Variants in CUBN observed in about 807,000 individuals in gnomAD.
The protein encoded by CUBN is cubilin.
In CUBN, 282 loss-of-function variants were observed where a neutral mutation model predicts 405.3. The ratio of observed to expected loss-of-function variants is 0.70; its 90% confidence interval spans 0.63 to 0.77. The LOEUF (loss-of-function observed/expected upper bound fraction) is 0.77, where lower values mean the gene tolerates loss of function less well. Ranked by LOEUF, CUBN falls within the 30% of genes least tolerant of loss-of-function variation. The pLI, the probability that CUBN is intolerant of heterozygous loss-of-function variation, is 0.00. For synonymous variants in CUBN, 1,684 were observed against 1,617.0 expected (o/e 1.04, Z -0.99); for missense variants, 4,514 against 4,475.2 (o/e 1.01, Z -0.25).
At chr10:16,893,490 C>A (rs574830299) in intron 54 of CUBN, among the ~76,000 whole-genome samples, 6 of 152,092 alleles carry the variant, frequency 3.9e-5, no homozygotes, top group Admixed American at 2.6e-4. Context: ...CACAGGAATC[C>A]CTAAGTTGCT....
Position 17,100,159 on chromosome 10 carries a change from T to C in CUBN, c.1611A>G (p.Gly537=). 1 of 1,613,984 alleles carries C rather than the reference T, an allele frequency of 6.2e-7. No individual in the cohort carries two copies. Among genetic ancestry groups the C allele is most frequent in the Non-Finnish European group, 8.5e-7 (1 of 1,179,918 alleles). The change falls in exon 14 of 67, where the codon GGA becomes GGG. Residue 537 remains glycine (G), a synonymous_variant. Coordinates refer to ENST00000377833, the MANE Select transcript of CUBN (RefSeq NM_001081.4). The part of the protein sequence containing the change: ...CPHEFLQVYD[G]DSSSAFQLGR... The stretch of plus-strand genomic sequence containing the variant: ...CAAGTTGAAAAGCAGAAGAGGAATC[T>C]CCATCATAAACCTGAAGAAACTCGT...
Position 16,851,254 on chromosome 10 carries a change from C to T in CUBN, c.9644G>A (p.Cys3215Tyr). Residue 3215 changes from cysteine (C) to tyrosine (Y), a missense_variant, in exon 60 of 67, where the codon TGC becomes TAC. Physicochemically the swap from Cys to Tyr is radical, Grantham distance 194. Coordinates refer to ENST00000377833, the MANE Select transcript of CUBN (RefSeq NM_001081.4). The stretch of plus-strand genomic sequence containing the variant: ...CCTTACCTTTACATAATCATAAAGG[C>T]ATCTTTGCCTAGTACTTGCTGCCTC... Reference protein sequence around the residue: ...ALEAASTRQRCLYDYVKLYDG... With the variant: ...ALEAASTRQRYLYDYVKLYDG... 1 of 1,613,710 alleles carries T rather than the reference C, an allele frequency of 6.2e-7. No homozygotes were observed. Among genetic ancestry groups the T allele is most frequent in the South Asian group, 1.1e-5 (1 of 91,074 alleles).
chr10:16,842,085 C>T (rs115506733), intron 60 of CUBN, among the ~76,000 whole-genome samples: 2,206 of 150,002 alleles, frequency 0.015, 58 homozygotes, highest in African/African-American at 0.05. Context: ...CACGCTGTTG[C>T]CCAGGCTGGA....
intron 28 of CUBN, among the ~76,000 whole-genome samples, chr10:17,013,691 C>T (rs1385967627): frequency 6.6e-6 from 1 of 152,220 alleles, no homozygotes; most frequent in Non-Finnish European, 1.5e-5. Context: ...TACTTGCTAT[C>T]TGTATACACA....
chr10:17,104,458 G>C lies in CUBN; in HGVS notation c.1378C>G (p.Arg460Gly). The C allele has an allele frequency of 6.2e-7, 1 of 1,613,982 alleles. No homozygotes were observed. Among genetic ancestry groups the C allele is most frequent in the Non-Finnish European group, 8.5e-7 (1 of 1,179,986 alleles). ...TGACAGAGAGCTCCAGTCCAGAGAC[G>C]TGTGCATTCACAACTGAAAGAATCA... ...GVDSFSCECT[R>G]LWTGALCQVP... The change falls in exon 12 of 67, where the codon CGT becomes GGT. Residue 460 changes from arginine to glycine, a missense_variant. Coordinates refer to ENST00000377833, the MANE Select transcript of CUBN (RefSeq NM_001081.4).
Position 17,064,605 on chromosome 10 carries a change from T to TA in CUBN, c.3139+902dup, listed in dbSNP as rs556311459. Among the ~76,000 whole-genome samples the TA allele has an allele frequency of 1.1e-4, 16 of 152,194 alleles. No individual in the cohort carries two copies. The East Asian group carries it at 3.1e-3, about 29-fold the overall frequency. ...GCTGGATGTTATTTGGGTCCTTTAA[T>TA]ACAATGATGCAAAAGGAAAGCTCAG... On this transcript the variant is annotated intron_variant, in intron 22 of 66. Coordinates refer to ENST00000377833, the MANE Select transcript of CUBN (RefSeq NM_001081.4).
intron 27 of CUBN, among the ~76,000 whole-genome samples, chr10:17,026,378 A>G (rs1834663593): frequency 6.6e-6 from 1 of 152,176 alleles, no homozygotes; most frequent in Non-Finnish European, 1.5e-5. Context: ...CACGCCTGTA[A>G]TCCCAGCCCT....
intron 21 of CUBN, 49 bp downstream of exon 21, chr10:17,068,015 G>C: frequency 2.1e-6 from 3 of 1,436,946 alleles, no homozygotes; most frequent in Non-Finnish European, 2.9e-6. Flanking sequence ...ACTGAAGCAG[G>C]AAATCAGTGA....
rs965962748 is a variant in CUBN at position 17,099,904 on chromosome 10, C to T, written c.1765+101G>A. 19 of 701,024 alleles carry T rather than the reference C, an allele frequency of 2.7e-5. No individual in the cohort carries two copies. The African/African-American group carries it at 3.3e-4, about 12-fold the overall frequency. The allele number at this position is 701,024 out of a possible 1,614,324, so 43.4% of individuals were successfully genotyped here. A position where few individuals can be genotyped will look rare whatever the true frequency, so the allele number is the denominator to read the frequency against. ...AAATTATAAAAATATTATATATCTT[C>T]AGATCCCAAAACATCTCATGTATCC... On this transcript the variant is annotated intron_variant, in intron 14 of 66. Coordinates refer to ENST00000377833, the MANE Select transcript of CUBN (RefSeq NM_001081.4).
At chr10:16,910,727 G>A (rs1381725921) in intron 48 of CUBN, among the ~76,000 whole-genome samples, 1 of 151,360 alleles carries the variant, frequency 6.6e-6, no homozygotes, top group Admixed American at 6.6e-5. Flanking sequence ...GACCCCAAAT[G>A]AGCAACACAA....
intron 8 of CUBN, among the ~76,000 whole-genome samples, chr10:17,112,893 T>C (rs1195240723): frequency 6.6e-6 from 1 of 152,218 alleles, no homozygotes; most frequent in Non-Finnish European, 1.5e-5. Context: ...GTAATACTTA[T>C]TTTTACCATG....
chr10:16,842,340 T>C (rs1294023417), intron 60 of CUBN, among the ~76,000 whole-genome samples: 1 of 152,226 alleles, frequency 6.6e-6, no homozygotes, highest in Admixed American at 6.5e-5. Flanking sequence ...CTCACTGCCA[T>C]GTTCCCAGTT....
chr10:16,900,210 C>G (rs1233384922), intron 53 of CUBN, among the ~76,000 whole-genome samples: 8 of 152,232 alleles, frequency 5.3e-5, no homozygotes, highest in Non-Finnish European at 8.8e-5. Context: ...CAGCTCACCA[C>G]TCAGCATTCT....
intron 58 of CUBN, among the ~76,000 whole-genome samples, chr10:16,873,275 G>C (rs1840410332): frequency 6.6e-6 from 1 of 152,174 alleles, no homozygotes; most frequent in Non-Finnish European, 1.5e-5. Flanking sequence ...TATCATTCTG[G>C]AGAGTGGGAG....
intron 29 of CUBN, 90 bp downstream of exon 29, chr10:16,990,244 C>G: frequency 8.4e-7 from 1 of 1,189,054 alleles, no homozygotes; most frequent in East Asian, 2.3e-5. Flanking sequence ...ACACTGCTGA[C>G]TACTGGAAAG....
chr10:16,831,957 T>C (rs532917094), intron 64 of CUBN, among the ~76,000 whole-genome samples: 1 of 152,216 alleles, frequency 6.6e-6, no homozygotes, highest in Non-Finnish European at 1.5e-5. Context: ...GGAATTTCTG[T>C]ATGGGCAAAG....
chr10:17,029,353 AT>A (rs1474981602), intron 27 of CUBN, among the ~76,000 whole-genome samples: 15 of 152,194 alleles, frequency 9.9e-5, no homozygotes, highest in African/African-American at 4.8e-5. Flanking sequence ...TCTTCTTTCA[AT>A]TTTTTATAAC....
At chr10:16,841,353 C>T (rs1205748781) in intron 60 of CUBN, among the ~76,000 whole-genome samples, 1 of 152,186 alleles carries the variant, frequency 6.6e-6, no homozygotes, top group Non-Finnish European at 1.5e-5. Context: ...ACTATGGCCC[C>T]AACTGCTCTG....
At position 17,071,958 on chromosome 10, in the gene CUBN, T is replaced by A; in HGVS notation, c.2315A>T (p.Glu772Val). Residue 772 changes from glutamate (E) to valine (V), a missense_variant, in exon 18 of 67, where the codon GAA (glutamate) becomes GTA (valine). Glu to Val is a moderately radical substitution (Grantham distance 121, BLOSUM62 -2). Coordinates refer to ENST00000377833, the MANE Select transcript of CUBN (RefSeq NM_001081.4). The part of the protein sequence containing the change: ...SQNYIEVRDG[E>V]TLLGKVCGNG... ...GCCACAGACTTTTCCAAGTAAGGTTTCACCATCTCGAACCTAAAGAGAAAA... is the reference window on the plus strand; with the variant it reads ...GCCACAGACTTTTCCAAGTAAGGTTACACCATCTCGAACCTAAAGAGAAAA... 3.1e-6 allele frequency: 5 copies of A among 1,612,496 alleles called. No individual in the cohort carries two copies. Among genetic ancestry groups the A allele is most frequent in the Non-Finnish European group, 4.2e-6 (5 of 1,179,306 alleles).
Sources: gnomAD v4.1 joint callset for allele counts (sites outside exome capture counted in the v4.1 genomes callset) on GRCh38, gnomAD v4.1.1 for gene constraint, MANE v1.5 for transcripts, NCBI Gene and HGNC (gene_info 2026-07-23, HGNC 2026-07-21) for gene names.